Variants in ZNF184 observed in about 807,000 individuals in gnomAD.
The protein encoded by ZNF184 is zinc finger protein 184 (Kruppel-like).
ZNF184 carries 16 observed loss-of-function variants against 54.4 expected under a neutral mutation model. The ratio of observed to expected loss-of-function variants is 0.29; its 90% CI spans 0.20 to 0.45. The LOEUF (loss-of-function observed/expected upper bound fraction) is 0.45, where lower values mean the gene tolerates loss of function less well. Ranked by LOEUF, ZNF184 falls within the 20% of genes least tolerant of loss-of-function variation. The pLI, the probability that ZNF184 is intolerant of heterozygous loss-of-function variation, is 1.00. For missense variants in ZNF184, 681 were observed against 888.2 expected (o/e 0.77, Z 2.97); for synonymous variants, 254 against 295.3 (o/e 0.86, Z 1.43).
In ZNF184 at chr6:27,451,598, C is replaced by A. The variant is rs756103553; in HGVS notation, c.1961G>T (p.Ser654Ile). 1.2e-6 allele frequency: 2 copies of A among 1,614,084 alleles called. No individual in the cohort carries two copies. Among genetic ancestry groups the A allele is most frequent in the African/African-American group, 1.3e-5 (1 of 75,024 alleles). The change falls in exon 6 of 6, where the codon AGC becomes ATC. Residue 654 changes from serine (S) to isoleucine (I), a missense_variant. Coordinates refer to ENST00000683788, the MANE Select transcript of ZNF184 (RefSeq NM_001318891.2). ...CNKCEKTFSQSSHLTQHQRIH... is the reference protein window; with the variant it reads ...CNKCEKTFSQISHLTQHQRIH... ...TCGTTGATGCTGAGTTAGATGGGAGCTCTGGCTAAAGGTCTTTTCACATTT... is the reference window on the plus strand; with the variant it reads ...TCGTTGATGCTGAGTTAGATGGGAGATCTGGCTAAAGGTCTTTTCACATTT...
rs1233712527 is a variant in ZNF184, at chr6:27,451,276, C to T, written c.*27G>A. On this transcript the variant is annotated 3_prime_UTR_variant, in exon 6 of 6. Transcript: ENST00000683788. Reference sequence around the variant, plus strand: ...AGGACAAACTAAAGTAAATATCTCCCCTAAATTTATGATGTTCCTAGAATT... The same window carrying T: ...AGGACAAACTAAAGTAAATATCTCCTCTAAATTTATGATGTTCCTAGAATT... 6.5e-7 allele frequency: 1 copy of T among 1,543,898 alleles called. No individual in the cohort carries two copies. Among genetic ancestry groups the T allele is most frequent in the Non-Finnish European group, 8.7e-7 (1 of 1,147,496 alleles).
At chr6:27,471,947 T>C (rs554906214) in intron 2 of ZNF184, among the ~76,000 whole-genome samples, 1 of 152,336 alleles carries the variant, frequency 6.6e-6, no homozygotes, top group Admixed American at 6.5e-5. Context: ...ATTTCAAAAC[T>C]GACTCTTTCA....
the ZNF184 span, among the ~76,000 whole-genome samples, chr6:27,428,125 C>A: frequency 5.3e-5 from 8 of 152,196 alleles, no homozygotes; most frequent in Non-Finnish European, 1.0e-4. The surrounding 1 kb of genome is among the most constrained non-coding windows in gnomAD (Gnocchi z 4.1). Flanking sequence ...TTTGAATCTT[C>A]CTTTTCCTAC....
At chr6:27,425,041 C>A in the ZNF184 span, among the ~76,000 whole-genome samples, 16 of 152,316 alleles carry the variant, frequency 1.1e-4, no homozygotes, top group East Asian at 1.5e-3. Flanking sequence ...CTGGGGGACC[C>A]AGTACACCCT....
chr6:27,424,147 G>C, the ZNF184 span, among the ~76,000 whole-genome samples: 2 of 152,196 alleles, frequency 1.3e-5, no homozygotes, highest in African/African-American at 2.4e-5. Flanking sequence ...GCTCAGAAGT[G>C]AAGCTGCAGA....
At chr6:27,446,636 T>C (rs961062699), downstream of ZNF184, among the ~76,000 whole-genome samples, 3 of 152,070 alleles carry the variant, frequency 2.0e-5, no homozygotes, top group South Asian at 2.1e-4. Context: ...GGCTGCCTAG[T>C]AGAGCATGGA....
chr6:27,454,547 T>C (rs1361406393), intron 5 of ZNF184, among the ~76,000 whole-genome samples: 1 of 152,196 alleles, frequency 6.6e-6, no homozygotes, highest in Admixed American at 6.5e-5. Context: ...CTGGAAGTAC[T>C]TCACAATGAA....
At chr6:27,440,828 C>A in the ZNF184 span, among the ~76,000 whole-genome samples, 1 of 151,882 alleles carries the variant, frequency 6.6e-6, no homozygotes, top group South Asian at 2.1e-4. Flanking sequence ...ACGGTGAAAC[C>A]CCGTCTCTAA....
chr6:27,472,305 C>T lies in ZNF184; in HGVS notation c.-11G>A, dbSNP rs1763297078. 6.2e-7 allele frequency: 1 copy of T among 1,614,092 alleles called. No homozygotes were observed. The highest frequency in any genetic ancestry group is 1.1e-5 in the South Asian group (1 of 91,060). On this transcript the variant is annotated 5_prime_UTR_variant, in exon 2 of 6. An upstream start codon of the reference 5' UTR is lost. Coordinates refer to ENST00000683788, the MANE Select transcript of ZNF184 (RefSeq NM_001318891.2). This position sits in a 1 kb window ranked among gnomAD's most constrained non-coding sequence, Gnocchi z 4.8. Reference sequence around the variant, plus strand: ...CCCACTACCTTCCATCTCAGGAGCTCATCCCGTTCCTCTGGAACTTGAACA... The same window carrying T: ...CCCACTACCTTCCATCTCAGGAGCTTATCCCGTTCCTCTGGAACTTGAACA...
the ZNF184 span, among the ~76,000 whole-genome samples, chr6:27,410,276 G>C: frequency 6.6e-6 from 1 of 152,174 alleles, no homozygotes; most frequent in Non-Finnish European, 1.5e-5. Flanking sequence ...ACAGGGACCA[G>C]GATTTTACTC....
At chr6:27,427,875 C>T in the ZNF184 span, among the ~76,000 whole-genome samples, 1 of 152,188 alleles carries the variant, frequency 6.6e-6, no homozygotes, top group Admixed American at 6.5e-5. Flanking sequence ...TGATAAACAT[C>T]CTAAAAAGTC....
the ZNF184 span, among the ~76,000 whole-genome samples, chr6:27,424,300 G>C: frequency 1.3e-5 from 2 of 152,224 alleles, no homozygotes; most frequent in Non-Finnish European, 2.9e-5. Flanking sequence ...AGCACAAAGA[G>C]TAAGCAGCAG....
the ZNF184 span, among the ~76,000 whole-genome samples, chr6:27,430,072 G>T: frequency 2.6e-5 from 4 of 152,052 alleles, no homozygotes; most frequent in African/African-American, 9.7e-5. Context: ...AATTTAACAG[G>T]GTTTGTTTGT....
At chr6:27,457,226 A>C in intron 4 of ZNF184, 57 bp downstream of exon 4, 1 of 1,587,280 alleles carries the variant, frequency 6.3e-7, no homozygotes. Flanking sequence ...CCTGAGCACA[A>C]GAGAGAACCC....
At chr6:27,424,371 G>C in the ZNF184 span, among the ~76,000 whole-genome samples, 1 of 152,198 alleles carries the variant, frequency 6.6e-6, no homozygotes, top group South Asian at 2.1e-4. Flanking sequence ...AAAGCCGACA[G>C]AGTTGCCACT....
the ZNF184 span, among the ~76,000 whole-genome samples, chr6:27,432,278 C>T: frequency 4.6e-5 from 7 of 152,234 alleles, no homozygotes; most frequent in East Asian, 1.9e-4. The surrounding 1 kb of genome is among the most constrained non-coding windows in gnomAD (Gnocchi z 4.0). Flanking sequence ...GTAGAAAAGA[C>T]GTGAAAGTGG....
chr6:27,433,948 CTTCT>C, the ZNF184 span, among the ~76,000 whole-genome samples: 3 of 145,008 alleles, frequency 2.1e-5, no homozygotes, highest in Admixed American at 7.3e-5. Flanking sequence ...TCCTTCCTTC[CTTCT>C]TTCCTTCCTT....
chr6:27,462,268 G>T (rs1413935847), intron 3 of ZNF184, among the ~76,000 whole-genome samples: 1 of 151,796 alleles, frequency 6.6e-6, no homozygotes, highest in African/African-American at 2.4e-5. Flanking sequence ...CGTGATCTCG[G>T]CTCACTGCAA....
chr6:27,409,920 T>C, the ZNF184 span, among the ~76,000 whole-genome samples: 1 of 152,220 alleles, frequency 6.6e-6, no homozygotes, highest in Non-Finnish European at 1.5e-5. Context: ...ATGTGTGCCA[T>C]TTTAAAATGT....
Sources: allele counts gnomAD v4.1 joint callset (sites outside exome capture counted in the v4.1 genomes callset), GRCh38; gene constraint gnomAD v4.1.1; non-coding constraint Gnocchi (gnomAD v3.1); transcripts MANE v1.5; gene names NCBI Gene and HGNC (gene_info 2026-07-23, HGNC 2026-07-21).